MYH14: variants seen among roughly 807,000 people sequenced by gnomAD.
The protein encoded by MYH14 is myosin heavy chain 14.
MYH14 carries 123 observed loss-of-function variants against 255.5 expected under a neutral mutation model. The observed-to-expected ratio is 0.48, with a 90% CI of 0.42 to 0.56. The LOEUF is 0.56. Among genes scored for constraint, MYH14 ranks in the 20% least tolerant of loss-of-function variants. The probability of loss-of-function intolerance (pLI) is 0.00; values close to 1 mark genes in which losing one functional copy is unlikely to be tolerated. For missense variants in MYH14, 2,423 were observed against 2,802.3 expected (o/e 0.86, Z 3.06); for synonymous variants, 1,095 against 1,161.2 (o/e 0.94, Z 1.16).
At chr19:50,261,184 ACCC>A (rs1233394219) in intron 20 of MYH14, among the ~76,000 whole-genome samples, 97 of 726 alleles carry the variant, frequency 0.13, 4 homozygotes, top group African/African-American at 0.33. Context: ...CCTCCTCACC[ACCC>A]CCCCATCATC....
At chr19:50,240,883 G>A (rs2033866930) in intron 10 of MYH14, among the ~76,000 whole-genome samples, 1 of 152,180 alleles carries the variant, frequency 6.6e-6, no homozygotes, top group Non-Finnish European at 1.5e-5. Context: ...CAGCCTATGT[G>A]AGCTGGGTGA....
At position 50,280,354 on chromosome 19, in the gene MYH14, G is replaced by T. The variant is rs1300026540; in HGVS notation, c.4261G>T (p.Gly1421Cys). The stretch of plus-strand genomic sequence containing the variant: ...GGAGGCAGCTGCCAGGGAACGGGCG[G>T]GCCGTGAACTGCAGACTGCCCAGGC... The part of the protein sequence containing the change: ...EEEAAARERA[G>C]RELQTAQAQL... Residue 1421 changes from glycine to cysteine, a missense_variant, in exon 32 of 43, where the codon GGC becomes TGC. Gly to Cys is a radical substitution (Grantham distance 159). Transcript: ENST00000642316. The surrounding 1 kb of genome is among the most constrained non-coding windows in gnomAD (Gnocchi z 4.8). 1 of 1,546,520 alleles carries T rather than the reference G, an allele frequency of 6.5e-7. No individual in the cohort carries two copies. Among genetic ancestry groups the T allele is most frequent in the African/African-American group, 1.4e-5 (1 of 72,928 alleles).
rs530960748 is a variant in MYH14 at position 50,255,884 on chromosome 19, A to G, written c.2044+566A>G. The stretch of plus-strand genomic sequence containing the variant: ...CCTGGCCCTGCCCTAAGCACAGATT[A>G]TCTAGTTGACGGTTGATGGCGCTTG... On this transcript the variant is annotated intron_variant, in intron 17 of 42. Coordinates refer to ENST00000642316, the MANE Select transcript of MYH14 (RefSeq NM_001145809.2). 2.0e-5 allele frequency among the ~76,000 whole-genome samples: 3 copies of G among 150,950 alleles called. No homozygotes were observed. In the East Asian group the frequency reaches 5.8e-4, roughly 29 times the overall value.
chr19:50,226,987 G>A, intron 8 of MYH14, 21 bp downstream of exon 8: 1 of 1,613,422 alleles, frequency 6.2e-7, no homozygotes, highest in Non-Finnish European at 8.5e-7. Flanking sequence ...ACAGCCCATG[G>A]GGGTGGCAGC....
intron 25 of MYH14, 37 bp downstream of exon 25, chr19:50,271,583 G>T: frequency 6.3e-7 from 1 of 1,589,096 alleles, no homozygotes. Context: ...AGTGGGGATG[G>T]GGTGCATTGG....
intron 33 of MYH14, among the ~76,000 whole-genome samples, chr19:50,283,893 A>T (rs1033063207): frequency 6.6e-5 from 10 of 152,096 alleles, no homozygotes; most frequent in Admixed American, 1.3e-4. Context: ...ACCAACATGG[A>T]GAAACCCCGT....
At chr19:50,234,273 C>G (rs978176690) in intron 10 of MYH14, among the ~76,000 whole-genome samples, 10 of 152,074 alleles carry the variant, frequency 6.6e-5, no homozygotes, top group African/African-American at 2.4e-4. Context: ...GTAACAAGTA[C>G]GTAGGTGGAC....
At position 50,267,019 on chromosome 19, in the gene MYH14, G is replaced by GGGGGCA; in HGVS notation, c.2826+15_2826+20dup. ...GGCCGAGTGGCACAGGTGAGGGGGC[G>GGGGGCA]GGGGCAGGGCGTGGGGGCGTGTCTT... On this transcript the variant is annotated intron_variant, in intron 23 of 42. Coordinates refer to ENST00000642316, the MANE Select transcript of MYH14 (RefSeq NM_001145809.2). 6.5e-7 allele frequency: 1 copy of GGGGGCA among 1,549,076 alleles called. No individual in the cohort carries two copies. Among genetic ancestry groups the GGGGGCA allele is most frequent in the Non-Finnish European group, 8.7e-7 (1 of 1,147,196 alleles).
intron 10 of MYH14, 133 bp from the exon 11 acceptor site, chr19:50,244,109 C>A: frequency 1.4e-6 from 1 of 730,928 alleles, no homozygotes. Context: ...ACGCCCATCC[C>A]ACAAGTAGAT....
intron 18 of MYH14, among the ~76,000 whole-genome samples, chr19:50,258,132 GTT>G (rs2034660185): frequency 6.6e-6 from 1 of 151,964 alleles, no homozygotes; most frequent in African/African-American, 2.4e-5. Context: ...TGTTTGCCAT[GTT>G]GCCCAGGCTG....
chr19:50,209,912 AC>A (rs1268532389), intron 1 of MYH14, among the ~76,000 whole-genome samples: 3 of 151,756 alleles, frequency 2.0e-5, no homozygotes, highest in Admixed American at 1.3e-4. Context: ...AGCCTGGCCA[AC>A]ATGGTGAAAC....
rs201762439 is a variant in MYH14, at chr19:50,244,287, C to T, written c.1160C>T (p.Ala387Val). ...VSAVLQFGNI[A>V]LKRERNTDQA... Reference sequence around the variant, plus strand: ...GCAGTTCTCCAGTTTGGCAACATTGCCTTGAAGAGAGAACGGAACACCGAT... The same window carrying T: ...GCAGTTCTCCAGTTTGGCAACATTGTCTTGAAGAGAGAACGGAACACCGAT... Residue 387 changes from alanine (A) to valine (V), a missense_variant, in exon 11 of 43, where the codon GCC becomes GTC. Physicochemically the swap from Ala to Val is moderately conservative, Grantham distance 64 (BLOSUM62 0). This residue lies in a region of MYH14 where 672 missense variants were observed against 881.8 expected (regional missense o/e 0.76). Coordinates refer to ENST00000642316, the MANE Select transcript of MYH14 (RefSeq NM_001145809.2). 4.1e-5 allele frequency: 66 copies of T among 1,613,728 alleles called. No homozygotes were observed. The highest frequency in any genetic ancestry group is 4.2e-6 in the Non-Finnish European group (5 of 1,179,880).
At position 50,307,124 on chromosome 19, in the gene MYH14, G is replaced by C. The variant is rs902721100; in HGVS notation, c.5754G>C (p.Glu1918Asp). 2 of 1,549,932 alleles carry C rather than the reference G, an allele frequency of 1.3e-6. No individual in the cohort carries two copies. Among genetic ancestry groups the C allele is most frequent in the Admixed American group, 2.0e-5 (1 of 50,978 alleles). ...RLKEVVLQVE[E>D]ERRVADQLRD... Reference sequence around the variant, plus strand: ...AAGAGGTGGTGCTCCAGGTGGAGGAGGAGCGGAGGGTGGCTGACCAGCTCC... The same window carrying C: ...AAGAGGTGGTGCTCCAGGTGGAGGACGAGCGGAGGGTGGCTGACCAGCTCC... Residue 1918 changes from glutamate to aspartate, a missense_variant, in exon 41 of 43, where the codon GAG becomes GAC. Around this residue, in one of 3 missense-constraint regions of MYH14, gnomAD observed 1,513 missense variants for 1,674.8 expected, o/e 0.90. Coordinates refer to ENST00000642316, the MANE Select transcript of MYH14 (RefSeq NM_001145809.2).
chr19:50,301,434 A>G (rs533976498), intron 39 of MYH14, among the ~76,000 whole-genome samples: 1 of 152,322 alleles, frequency 6.6e-6, no homozygotes, highest in South Asian at 2.1e-4. Context: ...TAAGCAGAAA[A>G]CTATCCAAAA....
intron 24 of MYH14, among the ~76,000 whole-genome samples, chr19:50,271,186 C>T (rs566172721): frequency 4.6e-5 from 7 of 152,084 alleles, no homozygotes; most frequent in Non-Finnish European, 1.0e-4. Flanking sequence ...TGCCTAGAAC[C>T]GTGCCTGGCA....
chr19:50,297,853 T>C (rs1044437065), intron 39 of MYH14, among the ~76,000 whole-genome samples: 2 of 152,026 alleles, frequency 1.3e-5, no homozygotes, highest in African/African-American at 4.8e-5. Flanking sequence ...CCCACCCTAA[T>C]CCAGTGTGAC....
In MYH14 at chr19:50,293,130, A is replaced by G. The variant is rs75417494; in HGVS notation, c.5257-103A>G. On this transcript the variant is annotated intron_variant, in intron 37 of 42. Transcript: ENST00000642316. The surrounding 1 kb of genome is among the most constrained non-coding windows in gnomAD (Gnocchi z 4.1). ...CAGGGTTACCCAGGGACAGCATGAG[A>G]AAAAAGCCAAGAGCCTTGAGGTGTG... 2,002 of 829,152 alleles carry G rather than the reference A, an allele frequency of 2.4e-3. 26 individuals carry two copies. The African/African-American group carries it at 0.031, about 13-fold the overall frequency. 51.4% of individuals were successfully genotyped at this position (829,152 alleles called of 1,614,324 possible).
chr19:50,261,816 G>A (rs563627604), intron 21 of MYH14, among the ~76,000 whole-genome samples, 181 bp downstream of exon 21: 1 of 152,144 alleles, frequency 6.6e-6, no homozygotes, highest in East Asian at 2.0e-4. Context: ...CTGTGGGCAG[G>A]GCAGGCCCTG....
chr19:50,247,194 T>C, intron 12 of MYH14, 72 bp downstream of exon 12: 2 of 1,075,914 alleles, frequency 1.9e-6, no homozygotes, highest in Non-Finnish European at 2.8e-6. Flanking sequence ...AAACAGTGTA[T>C]GCTGTTTTTC....
Sources: gnomAD v4.1 joint callset for allele counts (sites outside exome capture counted in the v4.1 genomes callset) on GRCh38, gnomAD v4.1.1 for gene constraint, gnomAD v4.1.1 regional missense constraint, Gnocchi (gnomAD v3.1) non-coding constraint, MANE v1.5 for transcripts, NCBI Gene and HGNC (gene_info 2026-07-23, HGNC 2026-07-21) for gene names.